Variants in SLC45A1 observed in about 807,000 individuals in gnomAD.
The protein encoded by SLC45A1 is proton-associated sugar transporter A.
Under a neutral mutation model 57.6 loss-of-function variants are expected in SLC45A1, and 28 were observed. The observed-to-expected ratio is 0.49, with a 90% CI of 0.36 to 0.67. The LOEUF (loss-of-function observed/expected upper bound fraction) is 0.67. Among genes scored for constraint, SLC45A1 ranks in the 30% least tolerant of loss-of-function variants. The probability of loss-of-function intolerance (pLI) is 0.00; values close to 1 mark genes in which losing one functional copy is unlikely to be tolerated. For synonymous variants in SLC45A1, 459 were observed against 471.5 expected (o/e 0.97, Z 0.34); for missense variants, 814 against 1,041.5 (o/e 0.78, Z 3.01).
intron 5 of SLC45A1, among the ~76,000 whole-genome samples, chr1:8,333,583 G>A (rs1194545882): frequency 1.3e-5 from 2 of 151,932 alleles, no homozygotes; most frequent in South Asian, 4.2e-4. Context: ...CTACAGGTGT[G>A]CACCACCACA....
chr1:8,332,941 A>T (rs1038355719), intron 5 of SLC45A1, among the ~76,000 whole-genome samples: 1 of 152,200 alleles, frequency 6.6e-6, no homozygotes, highest in Non-Finnish European at 1.5e-5. Flanking sequence ...TTCCGGTCCT[A>T]CAAAGCCGAG....
intron 1 of SLC45A1, among the ~76,000 whole-genome samples, chr1:8,322,557 AAG>A (rs1349009050): frequency 6.6e-6 from 1 of 152,050 alleles, no homozygotes; most frequent in Non-Finnish European, 1.5e-5. Flanking sequence ...GGGGTGGTGG[AAG>A]AGTTTTGGAT....
intron 1 of SLC45A1, among the ~76,000 whole-genome samples, chr1:8,320,631 G>T (rs1639974360): frequency 6.6e-6 from 1 of 151,740 alleles, no homozygotes; most frequent in South Asian, 2.1e-4. Context: ...GATAGAGGGA[G>T]ACTCTGTCTG....
Position 8,318,244 on chromosome 1 carries a change from G to T in SLC45A1, c.-25+58G>T, listed in dbSNP as rs1033305175. The T allele has an allele frequency of 7.3e-6, 3 of 412,386 alleles. 1 individual carries two copies. In the Middle Eastern group the frequency reaches 1.2e-3, roughly 165 times the overall value. The allele number at this position is 412,386 out of a possible 1,614,324, so 25.5% of individuals were successfully genotyped here. On this transcript the variant is annotated intron_variant, in intron 1 of 8. Transcript: ENST00000471889. Reference sequence around the variant, plus strand: ...TCTCTGGCTCCGTGCCTGCCGGGGCGCCGCGCCCTGGGCCCCGGGGTAGTC... The same window carrying T: ...TCTCTGGCTCCGTGCCTGCCGGGGCTCCGCGCCCTGGGCCCCGGGGTAGTC...
In SLC45A1 at chr1:8,326,067, G is replaced by C. The variant is rs1163807353; in HGVS notation, c.715+25G>C. 1.3e-6 allele frequency: 2 copies of C among 1,579,978 alleles called. No individual in the cohort carries two copies. Among genetic ancestry groups the C allele is most frequent in the African/African-American group, 1.3e-5 (1 of 74,532 alleles). ...GGTGAGTCTCCGCAGCAGGGCCGAAGCTGAATCTGCCGGGCTGCAGGCTTC... is the reference window on the plus strand; with the variant it reads ...GGTGAGTCTCCGCAGCAGGGCCGAACCTGAATCTGCCGGGCTGCAGGCTTC... On this transcript the variant is annotated intron_variant, in intron 4 of 8. Coordinates refer to ENST00000471889, the MANE Select transcript of SLC45A1 (RefSeq NM_001080397.3). This position sits in a 1 kb window ranked among gnomAD's most constrained non-coding sequence, Gnocchi z 5.5.
At position 8,325,197 on chromosome 1, in the gene SLC45A1, G is replaced by A. The variant is rs1347253954; in HGVS notation, c.398-101G>A. Reference sequence around the variant, plus strand: ...ATCATCTTATTCTTTTGATGCACTGGGGGTGTTTGAGAGCAGGCACTTCAG... The same window carrying A: ...ATCATCTTATTCTTTTGATGCACTGAGGGTGTTTGAGAGCAGGCACTTCAG... On this transcript the variant is annotated intron_variant, in intron 2 of 8. Transcript: ENST00000471889. This position sits in a 1 kb window ranked among gnomAD's most constrained non-coding sequence, Gnocchi z 6.3. The A allele has an allele frequency of 5.4e-6, 4 of 737,782 alleles. No homozygotes were observed. Among genetic ancestry groups the A allele is most frequent in the Non-Finnish European group, 7.3e-6 (3 of 413,068 alleles). The allele number at this position is 737,782 out of a possible 1,614,324, so 45.7% of individuals were successfully genotyped here. A position where few individuals can be genotyped will look rare whatever the true frequency, so the allele number is the denominator to read the frequency against.
chr1:8,335,427 C>A lies in SLC45A1; in HGVS notation c.1444-10C>A, dbSNP rs757509951. 3 of 1,577,886 alleles carry A rather than the reference C, an allele frequency of 1.9e-6. No homozygotes were observed. The highest frequency in any genetic ancestry group is 2.3e-5 in the South Asian group (2 of 87,356). ...GGGGCTCTGATGAGGGGTTTGTGGG[C>A]TCTTCCCAGGTGGCCAATATCCTGC... On this transcript the variant is annotated splice_polypyrimidine_tract_variant and intron_variant, in intron 5 of 8. Transcript: ENST00000471889. The surrounding 1 kb of genome is among the most constrained non-coding windows in gnomAD (Gnocchi z 4.1).
Position 8,337,833 on chromosome 1 carries a change from G to C in SLC45A1, c.1615G>C (p.Gly539Arg). The C allele has an allele frequency of 6.2e-7, 1 of 1,613,846 alleles. No individual in the cohort carries two copies. The highest frequency in any genetic ancestry group is 8.5e-7 in the Non-Finnish European group (1 of 1,179,890). Residue 539 changes from glycine (G) to arginine (R), a missense_variant, in exon 7 of 9, where the codon GGG becomes CGG. Coordinates refer to ENST00000471889, the MANE Select transcript of SLC45A1 (RefSeq NM_001080397.3). ...TCTTCCAGGGTGGCTCTCATTCGAG[G>C]GGATGTTGCTCTTCTACACAGACTT... ...NHFLGWLSFE[G>R]MLLFYTDFMG... is the part of the protein sequence containing the mutation.
chr1:8,336,273 G>T (rs1253155411), intron 6 of SLC45A1, among the ~76,000 whole-genome samples: 5 of 152,106 alleles, frequency 3.3e-5, no homozygotes, highest in Non-Finnish European at 7.4e-5. Context: ...AGCTGGGCAT[G>T]GTGGTGCGTG....
In SLC45A1 at chr1:8,335,800, A is replaced by G. The variant is rs1053993539; in HGVS notation, c.1597+210A>G. On this transcript the variant is annotated intron_variant, in intron 6 of 8. Transcript: ENST00000471889. This position sits in a 1 kb window ranked among gnomAD's most constrained non-coding sequence, Gnocchi z 4.1. ...CCTGCCCTGCATAGCCCCAAACTAA[A>G]CCAGGTGTCACCATTGAGAGCCACA... Among the ~76,000 whole-genome samples the G allele has an allele frequency of 1.3e-5, 2 of 151,852 alleles. No individual in the cohort carries two copies. Among genetic ancestry groups the G allele is most frequent in the African/African-American group, 4.8e-5 (2 of 41,316 alleles).
At chr1:8,340,965 G>T (rs1449741165) in intron 8 of SLC45A1, among the ~76,000 whole-genome samples, 1 of 152,084 alleles carries the variant, frequency 6.6e-6, no homozygotes, top group Admixed American at 6.6e-5. Context: ...GGCTGAGGTG[G>T]GTGGATCACG....
In SLC45A1 at chr1:8,339,533, C is replaced by T. The variant is rs769429492; in HGVS notation, c.1815C>T (p.Thr605=). 6.2e-7 allele frequency: 1 copy of T among 1,614,200 alleles called. No individual in the cohort carries two copies. The highest frequency in any genetic ancestry group is 8.5e-7 in the Non-Finnish European group (1 of 1,180,044). ...EKLEEFLSVR[T]LYFIAYLAFG... is the part of the protein sequence containing the mutation. ...TGGAGGAGTTCCTCAGCGTCCGCAC[C>T]CTCTACTTCATCGCCTATCTCGCCT... The change falls in exon 8 of 9, where the codon ACC becomes ACT. Residue 605 remains threonine (T), a synonymous_variant. Transcript: ENST00000471889.
intron 7 of SLC45A1, 110 bp downstream of exon 7, chr1:8,338,102 A>G: frequency 1.0e-6 from 1 of 994,774 alleles, no homozygotes; most frequent in Non-Finnish European, 1.5e-6. Flanking sequence ...ACCACATCCC[A>G]ATTTGGGGGA....
chr1:8,332,622 C>T (rs946383589), intron 5 of SLC45A1, among the ~76,000 whole-genome samples: 11 of 151,814 alleles, frequency 7.2e-5, no homozygotes, highest in Non-Finnish European at 1.5e-4. Flanking sequence ...AGTGATTCTC[C>T]TGCTTCAGCC....
In SLC45A1 at chr1:8,343,751, C is replaced by T. The variant is rs750522640; in HGVS notation, c.1985C>T (p.Ala662Val). 11 of 1,606,592 alleles carry T rather than the reference C, an allele frequency of 6.8e-6. No homozygotes were observed. Among genetic ancestry groups the T allele is most frequent in the Non-Finnish European group, 8.5e-6 (10 of 1,174,236 alleles). The stretch of plus-strand genomic sequence containing the variant: ...ACGTTTCTTCCTCTGGGTCAGTTTG[C>T]AGGGTCCAGTGCGGACGGCACCCGG... ...LCDYYQSKKF[A>V]GSSADGTRRG... Residue 662 changes from alanine to valine, a missense_variant, in exon 9 of 9, where the codon GCA (alanine) becomes GTA (valine). Physicochemically the swap from Ala to Val is moderately conservative, Grantham distance 64 (BLOSUM62 0). Coordinates refer to ENST00000471889, the MANE Select transcript of SLC45A1 (RefSeq NM_001080397.3). The surrounding 1 kb of genome is among the most constrained non-coding windows in gnomAD (Gnocchi z 7.7).
chr1:8,339,814 G>A (rs1307150209), intron 8 of SLC45A1, 116 bp downstream of exon 8: 3 of 1,008,396 alleles, frequency 3.0e-6, no homozygotes, highest in East Asian at 4.8e-5. Context: ...TGTCAAGACA[G>A]CGACCACAGA....
intron 5 of SLC45A1, among the ~76,000 whole-genome samples, chr1:8,331,738 G>A (rs1340540674): frequency 6.6e-6 from 1 of 152,176 alleles, no homozygotes; most frequent in African/African-American, 2.4e-5. Context: ...AGTGAGTTCA[G>A]GACATCTGTT....
intron 5 of SLC45A1, among the ~76,000 whole-genome samples, chr1:8,334,710 A>G (rs563435174): frequency 2.0e-5 from 3 of 152,232 alleles, no homozygotes; most frequent in African/African-American, 7.2e-5. Context: ...CTAAAACAAC[A>G]AAAACAACAA....
Position 8,344,122 on chromosome 1 carries a change from G to A in SLC45A1, c.*109G>A, listed in dbSNP as rs1640927480. ...GGACAGGGGGACTGGCTGCCTACTG[G>A]AATGTAAATATGTGATAAAATAATA... On this transcript the variant is annotated 3_prime_UTR_variant, in exon 9 of 9. Coordinates refer to ENST00000471889, the MANE Select transcript of SLC45A1 (RefSeq NM_001080397.3). 9.8e-7 allele frequency: 1 copy of A among 1,015,960 alleles called. No individual in the cohort carries two copies. The highest frequency in any genetic ancestry group is 2.5e-5 in the Admixed American group (1 of 40,156). The allele number at this position is 1,015,960 out of a possible 1,614,324, so 62.9% of individuals were successfully genotyped here.
Sources: gnomAD v4.1 joint callset for allele counts (sites outside exome capture counted in the v4.1 genomes callset) on GRCh38, gnomAD v4.1.1 for gene constraint, Gnocchi (gnomAD v3.1) non-coding constraint, MANE v1.5 for transcripts, NCBI Gene and HGNC (gene_info 2026-07-23, HGNC 2026-07-21) for gene names.